The following ATP10D variants were observed in gnomAD, a reference collection of about 807,000 sequenced individuals.
ATP10D encodes the protein phospholipid-transporting ATPase VD.
ATP10D carries 89 observed loss-of-function variants against 144.8 expected under a neutral mutation model. The observed-to-expected ratio is 0.61, with a 90% CI of 0.52 to 0.73. ATP10D has a LOEUF of 0.73. ATP10D is among the 30% of genes least tolerant of loss of function. The pLI is 0.00. For missense variants in ATP10D, 1,603 were observed against 1,714.8 expected (o/e 0.93, Z 1.15); for synonymous variants, 571 against 615.1 (o/e 0.93, Z 1.06).
At chr4:47,585,593 T>A (rs1401649542) in intron 21 of ATP10D, among the ~76,000 whole-genome samples, 2 of 152,122 alleles carry the variant, frequency 1.3e-5, no homozygotes, top group African/African-American at 4.8e-5. Flanking sequence ...TAGTCATTCT[T>A]TCTATTTTTC....
chr4:47,551,866 A>C (rs1048497170), intron 10 of ATP10D, among the ~76,000 whole-genome samples: 1 of 152,238 alleles, frequency 6.6e-6, no homozygotes. Context: ...ACAGTCATGC[A>C]GATAAGAATT....
Position 47,568,854 on chromosome 4 carries a change from G to C in ATP10D, c.2871G>C (p.Leu957=), listed in dbSNP as rs553605399. The change falls in exon 16 of 23, where the codon CTG becomes CTC. Residue 957 remains leucine (L), a synonymous_variant. Coordinates refer to ENST00000273859, the MANE Select transcript of ATP10D (RefSeq NM_020453.4). ...NTQSKDACGM[L]MSTILKELQK... is the part of the protein sequence containing the mutation. The stretch of plus-strand genomic sequence containing the variant: ...GTTTCAAGGATGCCTGTGGGATGCT[G>C]ATGAGCACAATTTTGAAAGAACTTC... The C allele has an allele frequency of 4.6e-5, 74 of 1,613,868 alleles. No homozygotes were observed. The highest frequency in any genetic ancestry group is 6.2e-5 in the Non-Finnish European group (73 of 1,179,924).
chr4:47,561,711 AC>A (rs1719311918), intron 14 of ATP10D, among the ~76,000 whole-genome samples: 1 of 152,202 alleles, frequency 6.6e-6, no homozygotes, highest in African/African-American at 2.4e-5. Context: ...TATCTGAAGC[AC>A]TTTAAAAAAT....
At chr4:47,578,883 A>T (rs1242330247) in intron 19 of ATP10D, among the ~76,000 whole-genome samples, 2 of 152,262 alleles carry the variant, frequency 1.3e-5, no homozygotes. Flanking sequence ...CAAGTATATT[A>T]TTCTAAAGAA....
At position 47,512,754 on chromosome 4, in the gene ATP10D, G is replaced by GTGAACAAT. The variant is rs1560417089; in HGVS notation, c.215_222dup (p.Arg75Ter). The GTGAACAAT allele has an allele frequency of 1.2e-6, 2 of 1,614,194 alleles. No individual in the cohort carries two copies. Among genetic ancestry groups the GTGAACAAT allele is most frequent in the Non-Finnish European group, 1.7e-6 (2 of 1,179,990 alleles). On this transcript the variant is annotated frameshift_variant, in exon 2 of 23. Transcript: ENST00000273859. LOFTEE classifies it high-confidence loss of function. ...GTATGAGAAGTTCTCCGGAGCCTATGTGAACAATCGAATACGAACAACAAA... is the reference window on the plus strand; with the variant it reads ...GTATGAGAAGTTCTCCGGAGCCTATGTGAACAATTGAACAATCGAATACGAACAACAAA...
intron 11 of ATP10D, among the ~76,000 whole-genome samples, chr4:47,555,947 T>C (rs1234128309): frequency 3.3e-5 from 5 of 152,036 alleles, no homozygotes; most frequent in Admixed American, 3.3e-4. Flanking sequence ...AGAGACAGGG[T>C]TTCACCATGT....
intron 1 of ATP10D, among the ~76,000 whole-genome samples, chr4:47,498,955 C>A (rs964692606): frequency 6.6e-6 from 1 of 152,166 alleles, no homozygotes; most frequent in Non-Finnish European, 1.5e-5. Flanking sequence ...AGATCACACA[C>A]TGGGAAATTT....
intron 1 of ATP10D, among the ~76,000 whole-genome samples, chr4:47,503,665 G>A (rs1310827139): frequency 2.0e-5 from 3 of 152,158 alleles, no homozygotes; most frequent in Non-Finnish European, 4.4e-5. Flanking sequence ...GGGAGGCCAA[G>A]GTGGGAGGAT....
chr4:47,486,385 G>A (rs1017869847), intron 1 of ATP10D, among the ~76,000 whole-genome samples: 1 of 152,200 alleles, frequency 6.6e-6, no homozygotes. Context: ...TTCTAAGCAG[G>A]GAGAAAAACA....
chr4:47,573,520 C>T (rs927224714), intron 18 of ATP10D, among the ~76,000 whole-genome samples: 1 of 152,148 alleles, frequency 6.6e-6, no homozygotes, highest in Non-Finnish European at 1.5e-5. Flanking sequence ...TATTTGTGCT[C>T]AGTAGTTATT....
rs1333932137 is a variant in ATP10D, at chr4:47,512,654, C to A, written c.114C>A (p.Arg38=). ...ATTCCTCGTTGCTCGCCTGTGGGCGCAAGTCCTCTCAGACCCCTAAACTGT... is the reference window on the plus strand; with the variant it reads ...ATTCCTCGTTGCTCGCCTGTGGGCGAAAGTCCTCTCAGACCCCTAAACTGT... ...YNYSSLLACG[R]KSSQTPKLSG... is the part of the protein sequence containing the mutation. The change falls in exon 2 of 23, where the codon CGC becomes CGA. Residue 38 remains arginine (R), a synonymous_variant. Transcript: ENST00000273859. 4 of 1,614,024 alleles carry A rather than the reference C, an allele frequency of 2.5e-6. No individual in the cohort carries two copies. Among genetic ancestry groups the A allele is most frequent in the Non-Finnish European group, 1.7e-6 (2 of 1,180,030 alleles).
chr4:47,582,613 A>C (rs923117405), intron 21 of ATP10D, among the ~76,000 whole-genome samples: 2 of 152,078 alleles, frequency 1.3e-5, no homozygotes, highest in African/African-American at 4.8e-5. Context: ...TCCCTCTTTC[A>C]GTTTCTTCAG....
Position 47,568,903 on chromosome 4 carries a change from G to A in ATP10D, c.2920G>A (p.Glu974Lys). ...ELQKKTQALP[E>K]QVSLSEDLLQ... ...TCAGAAGAAAACTCAAGCCCTGCCA[G>A]AGCAAGTGTCATTAAGTGAAGATTT... Residue 974 changes from glutamate (E) to lysine (K), a missense_variant, in exon 16 of 23, where the codon GAG becomes AAG. Physicochemically the swap from Glu to Lys is moderately conservative, Grantham distance 56 (BLOSUM62 1). Transcript: ENST00000273859. 1.2e-6 allele frequency: 2 copies of A among 1,614,196 alleles called. No individual in the cohort carries two copies. The highest frequency in any genetic ancestry group is 2.7e-5 in the African/African-American group (2 of 75,040).
At chr4:47,530,603 G>T (rs180958345) in intron 5 of ATP10D, among the ~76,000 whole-genome samples, 3 of 151,928 alleles carry the variant, frequency 2.0e-5, no homozygotes, top group Non-Finnish European at 4.4e-5. Context: ...TTATAGACAC[G>T]TGCCACCATG....
At chr4:47,555,419 T>G (rs111329273) in intron 11 of ATP10D, among the ~76,000 whole-genome samples, 128 of 152,284 alleles carry the variant, frequency 8.4e-4, no homozygotes, top group African/African-American at 3.1e-3. Context: ...GTCTAAGTGA[T>G]TTATTGGTAT....
intron 1 of ATP10D, among the ~76,000 whole-genome samples, chr4:47,486,154 T>C (rs1052894455): frequency 6.6e-6 from 1 of 152,198 alleles, no homozygotes; most frequent in East Asian, 1.9e-4. Context: ...CTAGTTGTTA[T>C]TCGGGGCACC....
chr4:47,557,471 T>G (rs1454486158), intron 11 of ATP10D, among the ~76,000 whole-genome samples, 193 bp from the exon 12 acceptor site: 1 of 152,110 alleles, frequency 6.6e-6, no homozygotes, highest in Non-Finnish European at 1.5e-5. Context: ...AATCAAATTA[T>G]CTGAATAGTT....
At chr4:47,512,414 A>G in intron 1 of ATP10D, 90 bp from the exon 2 acceptor site, 1 of 836,012 alleles carries the variant, frequency 1.2e-6, no homozygotes, top group South Asian at 1.9e-5. Context: ...TGGGTCATAT[A>G]TTTATTTGGT....
chr4:47,576,974 G>T lies in ATP10D; in HGVS notation c.3567+1G>T. 1.2e-6 allele frequency: 2 copies of T among 1,614,032 alleles called. No homozygotes were observed. Among genetic ancestry groups the T allele is most frequent in the Non-Finnish European group, 1.7e-6 (2 of 1,179,904 alleles). ...TTACAGAAGTGGTCAGAAATCAGAG[G>T]TAGGTGTTAAAGCAAGAGTGCTTGG... On this transcript the variant is annotated splice_donor_variant, in intron 19 of 22. Coordinates refer to ENST00000273859, the MANE Select transcript of ATP10D (RefSeq NM_020453.4). LOFTEE classifies it high-confidence loss of function.
Sources: gnomAD v4.1 joint callset for allele counts (sites outside exome capture counted in the v4.1 genomes callset) on GRCh38, gnomAD v4.1.1 for gene constraint, MANE v1.5 for transcripts, NCBI Gene and HGNC (gene_info 2026-07-23, HGNC 2026-07-21) for gene names.